Variants in PCDHGA5 observed in about 807,000 individuals in gnomAD.
PCDHGA5 encodes the protein protocadherin gamma-A5.
In PCDHGA5, 36 loss-of-function variants were observed where a neutral mutation model predicts 56.7. The observed-to-expected ratio is 0.64, with a 90% CI of 0.49 to 0.84. The LOEUF is 0.84. Ranked by LOEUF, PCDHGA5 falls within the 40% of genes least tolerant of loss-of-function variation. The probability of loss-of-function intolerance (pLI) is 0.00; values close to 1 mark genes in which losing one functional copy is unlikely to be tolerated. For synonymous variants in PCDHGA5, 563 were observed against 520.2 expected, an observed-to-expected ratio of 1.08 and a Z score of -1.12; for missense variants, 1,305 against 1,201.5, an observed-to-expected ratio of 1.09 and a Z score of -1.27.
chr5:141,420,934 C>T, intron 1 of PCDHGA5: 1 of 377,936 alleles, frequency 2.6e-6, no homozygotes, highest in South Asian at 5.3e-5. Context: ...TGAGCGTAAT[C>T]ATTTCTTCTG....
rs747268184 is a variant in PCDHGA5, at chr5:141,489,769, C to A, written c.2422-5038C>A. On this transcript the variant is annotated intron_variant, in intron 1 of 3. Coordinates refer to ENST00000518069, the MANE Select transcript of PCDHGA5 (RefSeq NM_018918.3). This position sits in a 1 kb window ranked among gnomAD's most constrained non-coding sequence, Gnocchi z 4.5. ...CTTTTACACTCTAAGCCCCAACAGC[C>A]ACTTCTCTCTGAATGTGAAGACCCT... The A allele has an allele frequency of 6.2e-7, 1 of 1,614,156 alleles. No individual in the cohort carries two copies. The highest frequency in any genetic ancestry group is 1.1e-5 in the South Asian group (1 of 91,080).
Position 141,432,691 on chromosome 5 carries a change from G to T in PCDHGA5, c.2422-62116G>T. 1 of 1,613,942 alleles carries T rather than the reference G, an allele frequency of 6.2e-7. No individual in the cohort carries two copies. The highest frequency in any genetic ancestry group is 1.1e-5 in the South Asian group (1 of 91,068). On this transcript the variant is annotated intron_variant, in intron 1 of 3. Coordinates refer to ENST00000518069, the MANE Select transcript of PCDHGA5 (RefSeq NM_018918.3). This position sits in a 1 kb window ranked among gnomAD's most constrained non-coding sequence, Gnocchi z 6.0. ...ACGCGCTCAAGCAGAGCCTCGTAGT[G>T]GCCGTCCAGGACCACGGCCAGCCCC... is the stretch of plus-strand genomic sequence containing the variant.
At chr5:141,423,177 C>T (rs748689237) in intron 1 of PCDHGA5, 3 of 1,613,430 alleles carry the variant, frequency 1.9e-6, no homozygotes, top group Non-Finnish European at 2.5e-6. Context: ...TCCAGGACCA[C>T]GGCCAGCCCC....
chr5:141,461,845 C>CA (rs2099025049), intron 1 of PCDHGA5, among the ~76,000 whole-genome samples: 1 of 151,000 alleles, frequency 6.6e-6, no homozygotes. Context: ...TTTTTTGAGA[C>CA]AGAGTTTTGC....
chr5:141,451,806 A>G (rs145650418), intron 1 of PCDHGA5, among the ~76,000 whole-genome samples: 6,855 of 150,824 alleles, frequency 0.045, 259 homozygotes, highest in African/African-American at 0.1. Context: ...GCTTGAACCC[A>G]GGAGGCGGAG....
intron 1 of PCDHGA5, chr5:141,371,244 A>G (rs1767599935): frequency 1.2e-6 from 2 of 1,613,920 alleles, no homozygotes; most frequent in South Asian, 2.2e-5. Context: ...CTTCATCAAT[A>G]TTGGCAAGGA....
intron 1 of PCDHGA5, chr5:141,405,038 G>C: frequency 6.2e-7 from 1 of 1,613,964 alleles, no homozygotes; most frequent in Non-Finnish European, 8.5e-7. Context: ...CCTCGTTGTG[G>C]CTGTGGCAGT....
rs1174072440 is a variant in PCDHGA5, at chr5:141,438,581, TACATACATAC to T, written c.2422-56224_2422-56215del. Among the ~76,000 whole-genome samples, 141 of 49,790 alleles carry T rather than the reference TACATACATAC, an allele frequency of 2.8e-3. 1 individual carries two copies. Among genetic ancestry groups the T allele is most frequent in the African/African-American group, 0.014 (97 of 6,866 alleles). 32.7% of individuals were successfully genotyped at this position (49,790 alleles called of 152,430 possible). A position where few individuals can be genotyped will look rare whatever the true frequency, so the allele number is the denominator to read the frequency against. On this transcript the variant is annotated intron_variant, in intron 1 of 3. Coordinates refer to ENST00000518069, the MANE Select transcript of PCDHGA5 (RefSeq NM_018918.3). ...GAGGCAGCTGTCTGATATACATACA[TACATACATAC>T]ATATATATATATATATATATATATA...
chr5:141,432,374 C>A lies in PCDHGA5; in HGVS notation c.2422-62433C>A. 2.5e-6 allele frequency: 4 copies of A among 1,614,240 alleles called. No individual in the cohort carries two copies. Among genetic ancestry groups the A allele is most frequent in the Non-Finnish European group, 3.4e-6 (4 of 1,180,042 alleles). On this transcript the variant is annotated intron_variant, in intron 1 of 3. Coordinates refer to ENST00000518069, the MANE Select transcript of PCDHGA5 (RefSeq NM_018918.3). This position sits in a 1 kb window ranked among gnomAD's most constrained non-coding sequence, Gnocchi z 6.0. ...GAAAGTGATGGCGCGGGACAACGGG[C>A]ACCCGCCCCTCAGCAGCAACGTGTC...
At chr5:141,445,524 TA>T (rs1180348783) in intron 1 of PCDHGA5, among the ~76,000 whole-genome samples, 1 of 152,192 alleles carries the variant, frequency 6.6e-6, no homozygotes, top group Admixed American at 6.5e-5. Flanking sequence ...ACAGGTCTGA[TA>T]AAAGCCAACA....
At chr5:141,380,140 T>C (rs1776247193) in intron 1 of PCDHGA5, among the ~76,000 whole-genome samples, 1 of 151,998 alleles carries the variant, frequency 6.6e-6, no homozygotes, top group Non-Finnish European at 1.5e-5. Context: ...CCTTAAGTGA[T>C]CCACCCGCCT....
intron 1 of PCDHGA5, chr5:141,409,960 C>G: frequency 6.2e-7 from 1 of 1,613,416 alleles, no homozygotes; most frequent in Non-Finnish European, 8.5e-7. Flanking sequence ...AGCCCGGCTA[C>G]CTAGTGACTA....
chr5:141,442,135 G>C lies in PCDHGA5; in HGVS notation c.2422-52672G>C, dbSNP rs868124128. 8 of 164,066 alleles carry C rather than the reference G, an allele frequency of 4.9e-5. 1 individual carries two copies. The highest frequency in any genetic ancestry group is 2.8e-4 in the South Asian group (2 of 7,026). 10.2% of individuals were successfully genotyped at this position (164,066 alleles called of 1,614,324 possible). On this transcript the variant is annotated intron_variant, in intron 1 of 3. Transcript: ENST00000518069. ...CCCTCGTCGCCGACAGCCTGCAGGA[G>C]ACTCTGCCAGACCTCAGCGATCACT...
chr5:141,415,627 A>T, intron 1 of PCDHGA5: 1 of 1,598,406 alleles, frequency 6.3e-7, no homozygotes, highest in Non-Finnish European at 8.5e-7. Context: ...TTTTATTTTC[A>T]TTTTTACTTT....
chr5:141,364,259 C>CA lies in PCDHGA5; in HGVS notation c.-71dup. The CA allele has an allele frequency of 6.7e-7, 1 of 1,498,884 alleles. No individual in the cohort carries two copies. The highest frequency in any genetic ancestry group is 8.9e-7 in the Non-Finnish European group (1 of 1,122,608). The allele number at this position is 1,498,884 out of a possible 1,614,324, so 92.8% of individuals were successfully genotyped here. ...CCATTTTCGTCAGGGAATATGTACC[C>CA]ATCGGCTTTAGATAAATAAGGAAAC... On this transcript the variant is annotated 5_prime_UTR_variant, in exon 1 of 4. The change creates a premature stop within an existing upstream ORF in the 5' untranslated region. Coordinates refer to ENST00000518069, the MANE Select transcript of PCDHGA5 (RefSeq NM_018918.3).
At chr5:141,494,758 T>A (rs370692038) in intron 1 of PCDHGA5, 49 bp from the exon 2 acceptor site, 2 of 1,613,800 alleles carry the variant, frequency 1.2e-6, no homozygotes, top group Admixed American at 3.3e-5. Context: ...CGGGTGACAT[T>A]CTAACTTCTC....
chr5:141,392,615 C>A (rs2092564205), intron 1 of PCDHGA5: 1 of 536,798 alleles, frequency 1.9e-6, no homozygotes, highest in Non-Finnish European at 3.2e-6. Context: ...CAAATGCAAC[C>A]GAAAACACTC....
chr5:141,381,114 C>T (rs1776995401), intron 1 of PCDHGA5, among the ~76,000 whole-genome samples: 1 of 152,152 alleles, frequency 6.6e-6, no homozygotes, highest in Non-Finnish European at 1.5e-5. Context: ...CAAAGTGTTC[C>T]CTGTATTCTG....
rs1215729204 is a variant in PCDHGA5 at position 141,365,615 on chromosome 5, AC to A, written c.1289del (p.Pro430ArgfsTer11). 6.2e-7 allele frequency: 1 copy of A among 1,613,178 alleles called. No individual in the cohort carries two copies. Among genetic ancestry groups the A allele is most frequent in the Non-Finnish European group, 8.5e-7 (1 of 1,179,812 alleles). Reference sequence around the variant, plus strand: ...CACTTTAACCGTCATGGACCATGGAACCCCGCCCCTCTCTACAGAAAGCCAC... The same window carrying A: ...CACTTTAACCGTCATGGACCATGGAACCCGCCCCTCTCTACAGAAAGCCAC... ...NITLTVMDHG[T>X]PPLSTESHIP... On this transcript the variant is annotated frameshift_variant, in exon 1 of 4. Coordinates refer to ENST00000518069, the MANE Select transcript of PCDHGA5 (RefSeq NM_018918.3). LOFTEE classifies it high-confidence loss of function.
Sources: allele counts gnomAD v4.1 joint callset (sites outside exome capture counted in the v4.1 genomes callset), GRCh38; gene constraint gnomAD v4.1.1; non-coding constraint Gnocchi (gnomAD v3.1); transcripts MANE v1.5; gene names NCBI Gene and HGNC (gene_info 2026-07-23, HGNC 2026-07-21).